The following DMRTC2 variants were observed in gnomAD, a reference collection of about 807,000 sequenced individuals.
The protein encoded by DMRTC2 is DMRT like family C2, also known as doublesex- and mab-3-related transcription factor C2.
Under a neutral mutation model 39.9 loss-of-function variants are expected in DMRTC2, and 13 were observed. The ratio of observed to expected loss-of-function variants is 0.33; its 90% CI spans 0.21 to 0.52. The LOEUF is 0.52. DMRTC2 is among the 20% of genes least tolerant of loss of function. DMRTC2 has a pLI of 0.96. For missense variants in DMRTC2, 431 were observed against 472.8 expected, an observed-to-expected ratio of 0.91 and a Z score of 0.82; for synonymous variants, 189 against 185.2, an observed-to-expected ratio of 1.02 and a Z score of -0.17.
At chr19:41,846,020 A>G (rs1052067923) in intron 1 of DMRTC2, among the ~76,000 whole-genome samples, 38 of 151,938 alleles carry the variant, frequency 2.5e-4, no homozygotes, top group Non-Finnish European at 4.9e-4. Flanking sequence ...AATAAAAAAA[A>G]AAAGAAAGTG....
At chr19:41,848,674 A>G in intron 4 of DMRTC2, 121 bp from the exon 5 acceptor site, 1 of 1,537,898 alleles carries the variant, frequency 6.5e-7, no homozygotes, top group Non-Finnish European at 8.9e-7. Flanking sequence ...TCTAGGCAAA[A>G]TGAGGGGAAA....
intron 3 of DMRTC2, 96 bp downstream of exon 3, chr19:41,847,977 C>T: frequency 6.9e-7 from 1 of 1,445,442 alleles, no homozygotes; most frequent in South Asian, 1.4e-5. Flanking sequence ...TGGTGTACGA[C>T]CTTGAACTAA....
intron 8 of DMRTC2, 81 bp from the exon 9 acceptor site, chr19:41,851,503 G>C: frequency 3.4e-6 from 4 of 1,183,848 alleles, no homozygotes; most frequent in Non-Finnish European, 4.9e-6. Flanking sequence ...ATGAGGCCTG[G>C]ATTGGATTCG....
upstream of DMRTC2, chr19:41,844,947 C>G (rs1204231205): frequency 6.6e-6 from 1 of 152,194 alleles, no homozygotes; most frequent in Non-Finnish European, 1.5e-5. Flanking sequence ...CCGCATTGGT[C>G]GTCTGCCTCG....
At chr19:41,847,281 G>T in intron 1 of DMRTC2, 144 bp from the exon 2 acceptor site, 1 of 1,351,528 alleles carries the variant, frequency 7.4e-7, no homozygotes, top group Non-Finnish European at 9.5e-7. Context: ...GGGGTAAAGA[G>T]GGGAGAAAGC....
Position 41,847,441 on chromosome 19 carries a change from G to T in DMRTC2, c.13G>T (p.Asp5Tyr). 6.4e-7 allele frequency: 1 copy of T among 1,570,046 alleles called. No individual in the cohort carries two copies. Among genetic ancestry groups the T allele is most frequent in the Non-Finnish European group, 8.6e-7 (1 of 1,157,304 alleles). Reference sequence around the variant, plus strand: ...TGCCCCTAGATCCATGGAACCCAGTGACATGCCTGCTGGCTACCACTGCCC... The same window carrying T: ...TGCCCCTAGATCCATGGAACCCAGTTACATGCCTGCTGGCTACCACTGCCC... The part of the protein sequence containing the change: MEPS[D>Y]MPAGYHCPLD... The change falls in exon 2 of 9, where the codon GAC becomes TAC. Residue 5 changes from aspartate to tyrosine, a missense_variant. Physicochemically the swap from Asp to Tyr is radical, Grantham distance 160. Coordinates refer to ENST00000269945, the MANE Select transcript of DMRTC2 (RefSeq NM_001040283.3).
chr19:41,851,417 G>A (rs2073954994), intron 8 of DMRTC2, 167 bp from the exon 9 acceptor site: 3 of 600,206 alleles, frequency 5.0e-6, no homozygotes, highest in African/African-American at 3.7e-5. Context: ...TGGCTTTGAT[G>A]GACGGTTTGG....
chr19:41,847,818 G>C lies in DMRTC2; in HGVS notation c.307G>C (p.Gly103Arg). The change falls in exon 3 of 9, where the codon GGG becomes CGG. Residue 103 changes from glycine to arginine, a missense_variant. By Grantham distance (125) the Gly-to-Arg change is moderately radical. Transcript: ENST00000269945. ...AQLKKHLMRRGEASPKAPNHF... is the reference protein window; with the variant it reads ...AQLKKHLMRRREASPKAPNHF... ...GCTAAAGAAGCACCTGATGAGGAGA[G>C]GGGAAGCCTCTCCCAAAGCTCCCAA... The C allele has an allele frequency of 1.2e-6, 2 of 1,603,330 alleles. No homozygotes were observed. Among genetic ancestry groups the C allele is most frequent in the African/African-American group, 1.3e-5 (1 of 74,764 alleles).
chr19:41,850,487 C>T lies in DMRTC2; in HGVS notation c.817-39C>T, dbSNP rs368192754. 162 of 1,587,998 alleles carry T rather than the reference C, an allele frequency of 1.0e-4. No homozygotes were observed. In the African/African-American group the frequency reaches 1.7e-3, roughly 17 times the overall value. ...GGAACACTTAGAGGGTGGGCAGAAGCGGGGGTTCCCAGTCTGCTTGTCTCC... is the reference window on the plus strand; with the variant it reads ...GGAACACTTAGAGGGTGGGCAGAAGTGGGGGTTCCCAGTCTGCTTGTCTCC... On this transcript the variant is annotated intron_variant, in intron 7 of 8. Coordinates refer to ENST00000269945, the MANE Select transcript of DMRTC2 (RefSeq NM_001040283.3).
chr19:41,846,814 G>T (rs1022928097), intron 1 of DMRTC2, among the ~76,000 whole-genome samples: 1 of 151,698 alleles, frequency 6.6e-6, no homozygotes, highest in Admixed American at 6.6e-5. Context: ...TGATCCACCC[G>T]CCTTGGCCTC....
chr19:41,848,598 C>A, intron 4 of DMRTC2, 70 bp downstream of exon 4: 2 of 1,363,344 alleles, frequency 1.5e-6, no homozygotes, highest in Non-Finnish European at 2.0e-6. Flanking sequence ...TCTTCTGTGC[C>A]CTCAACACCT....
At position 41,851,782 on chromosome 19, in the gene DMRTC2, A is replaced by G; in HGVS notation, c.*86A>G. 1 of 1,198,808 alleles carries G rather than the reference A, an allele frequency of 8.3e-7. No homozygotes were observed. 74.3% of individuals were successfully genotyped at this position (1,198,808 alleles called of 1,614,324 possible). On this transcript the variant is annotated 3_prime_UTR_variant, in exon 9 of 9. Transcript: ENST00000269945. ...TATTTAGTGTCTTACTTAAGGATTT[A>G]TGCATGGAATTTAATGTAGTACAAG...
chr19:41,850,063 G>A (rs2073931791), intron 6 of DMRTC2, among the ~76,000 whole-genome samples: 1 of 151,512 alleles, frequency 6.6e-6, no homozygotes, highest in African/African-American at 2.4e-5. Flanking sequence ...CTAGGTGACA[G>A]AGCAAGAGCC....
chr19:41,848,724 G>A (rs782256301), intron 4 of DMRTC2, 71 bp from the exon 5 acceptor site: 69 of 1,603,178 alleles, frequency 4.3e-5, no homozygotes, highest in African/African-American at 4.0e-5. Context: ...GGTTCTGCCC[G>A]TATCCCAGAA....
Position 41,851,790 on chromosome 19 carries a change from A to G in DMRTC2, c.*94A>G, listed in dbSNP as rs1555837474. 11 of 1,115,368 alleles carry G rather than the reference A, an allele frequency of 9.9e-6. No homozygotes were observed. The highest frequency in any genetic ancestry group is 7.9e-6 in the Non-Finnish European group (6 of 758,298). 69.1% of individuals were successfully genotyped at this position (1,115,368 alleles called of 1,614,324 possible). On this transcript the variant is annotated 3_prime_UTR_variant, in exon 9 of 9. Transcript: ENST00000269945. ...GTCTTACTTAAGGATTTATGCATGG[A>G]ATTTAATGTAGTACAAGCTTCGGGC...
At chr19:41,848,108 G>A (rs555052900) in intron 3 of DMRTC2, among the ~76,000 whole-genome samples, 1 of 152,338 alleles carries the variant, frequency 6.6e-6, no homozygotes, top group African/African-American at 2.4e-5. Context: ...AGCACTTTGG[G>A]AGGCTGAGGC....
chr19:41,852,054 A>G lies in DMRTC2; in HGVS notation c.*358A>G, dbSNP rs147929586. 1,192 of 206,084 alleles carry G rather than the reference A, an allele frequency of 5.8e-3. 6 individuals are homozygous for G. The highest frequency in any genetic ancestry group is 0.013 in the Middle Eastern group (7 of 544). 12.8% of individuals were successfully genotyped at this position (206,084 alleles called of 1,614,324 possible). A position where few individuals can be genotyped will look rare whatever the true frequency, so the allele number is the denominator to read the frequency against. On this transcript the variant is annotated 3_prime_UTR_variant, in exon 9 of 9. Transcript: ENST00000269945. ...GGATTCCATGATTCTGTAAATGCCT[A>G]TGCATTCATGTCTGTCTCCATGCAT...
At position 41,849,611 on chromosome 19, in the gene DMRTC2, G is replaced by A. The variant is rs567095032; in HGVS notation, c.755+355G>A. 1.2e-4 allele frequency among the ~76,000 whole-genome samples: 19 copies of A among 152,302 alleles called. No individual in the cohort carries two copies. In the South Asian group the frequency reaches 3.9e-3, roughly 32 times the overall value. ...AGATTGCCTGCTGATATGGGGGGCA[G>A]AGATGATGAGAGCCTCAGAGACCCA... On this transcript the variant is annotated intron_variant, in intron 6 of 8. Transcript: ENST00000269945.
intron 8 of DMRTC2, chr19:41,851,047 A>C: frequency 3.5e-6 from 1 of 284,618 alleles, no homozygotes; most frequent in Non-Finnish European, 6.5e-6. Context: ...CTGGCCTGGG[A>C]GGAGGTCTGA....
Sources: gnomAD v4.1 joint callset for allele counts (sites outside exome capture counted in the v4.1 genomes callset) on GRCh38, gnomAD v4.1.1 for gene constraint, MANE v1.5 for transcripts, NCBI Gene and HGNC (gene_info 2026-07-23, HGNC 2026-07-21) for gene names.